Variants in NYAP2 observed in about 807,000 individuals in gnomAD.
The protein encoded by NYAP2 is neuronal tyrosine-phosphorylated phosphoinositide-3-kinase adaptor 2.
A neutral mutation model predicts 50.4 loss-of-function variants in NYAP2; 23 were observed. The observed-to-expected ratio is 0.46, with a 90% CI of 0.33 to 0.65. NYAP2 has a LOEUF of 0.65. NYAP2 is among the 30% of genes least tolerant of loss of function. The pLI, the probability that NYAP2 is intolerant of heterozygous loss-of-function variation, is 0.02. For missense variants in NYAP2, 885 were observed against 861.0 expected, an observed-to-expected ratio of 1.03 and a Z score of -0.35; for synonymous variants, 394 against 365.2, an observed-to-expected ratio of 1.08 and a Z score of -0.90.
chr2:225,555,569 C>A, intron 4 of NYAP2, among the ~76,000 whole-genome samples: 1 of 152,130 alleles, frequency 6.6e-6, no homozygotes, highest in East Asian at 1.9e-4. Flanking sequence ...AGATGTGTGA[C>A]CCATCCATCT....
At chr2:225,528,214 A>C (rs531724323) in intron 4 of NYAP2, among the ~76,000 whole-genome samples, 29 of 152,364 alleles carry the variant, frequency 1.9e-4, no homozygotes, top group African/African-American at 7.0e-4. Flanking sequence ...CCATGCAGCT[A>C]TCTGGTTGAA....
chr2:225,578,185 C>T (rs1460730099), intron 4 of NYAP2, among the ~76,000 whole-genome samples: 2 of 151,988 alleles, frequency 1.3e-5, no homozygotes, highest in Non-Finnish European at 2.9e-5. Context: ...CACCTGCCTC[C>T]GCCTCCCAAG....
chr2:225,651,627 C>T, exon 7 of NYAP2: 1 of 1,589,252 alleles, frequency 6.3e-7, no homozygotes. Flanking sequence ...CTGTAGACAA[C>T]TTTCGCATTT....
intron 4 of NYAP2, among the ~76,000 whole-genome samples, chr2:225,522,036 T>C (rs1218041638): frequency 1.3e-5 from 2 of 152,216 alleles, no homozygotes; most frequent in African/African-American, 4.8e-5. Flanking sequence ...TATCCATTTC[T>C]TCCAGATTTT....
At chr2:225,606,046 G>A (rs1330918398) in intron 5 of NYAP2, among the ~76,000 whole-genome samples, 5 of 152,122 alleles carry the variant, frequency 3.3e-5, no homozygotes, top group African/African-American at 1.2e-4. Context: ...GTCAAGAACA[G>A]GAACATCTAA....
chr2:225,505,894 A>T (rs188596968), intron 3 of NYAP2, among the ~76,000 whole-genome samples: 1 of 152,288 alleles, frequency 6.6e-6, no homozygotes, highest in Non-Finnish European at 1.5e-5. Context: ...GGGAAGAAGG[A>T]TGAAGCAGGT....
chr2:225,669,496 C>T, the NYAP2 span, among the ~76,000 whole-genome samples: 1 of 151,976 alleles, frequency 6.6e-6, no homozygotes, highest in Non-Finnish European at 1.5e-5. Flanking sequence ...ATAAAACTGG[C>T]AGCTTACATT....
chr2:225,620,013 G>A (rs147886882), intron 5 of NYAP2, among the ~76,000 whole-genome samples: 86 of 152,306 alleles, frequency 5.6e-4, no homozygotes, highest in African/African-American at 1.9e-3. Flanking sequence ...AGTTGGCACC[G>A]TGAGCTACAT....
the NYAP2 span, among the ~76,000 whole-genome samples, chr2:225,666,055 C>T: frequency 1.3e-5 from 2 of 152,154 alleles, no homozygotes; most frequent in East Asian, 3.9e-4. Context: ...GATGCCACAG[C>T]TCTGAAGACC....
rs182860591 is a variant in NYAP2, at chr2:225,638,216, G to A, written c.1828+11090G>A. On this transcript the variant is annotated intron_variant, in intron 6 of 6. Transcript: ENST00000636099. ...TGGTGTGGGAGGGGGGTGAGAGAGA[G>A]AGAGACAGAGAGAGAGAGACAGAGA... Among the ~76,000 whole-genome samples, 329 of 151,392 alleles carry A rather than the reference G, an allele frequency of 2.2e-3. 1 individual carries two copies. The highest frequency in any genetic ancestry group is 7.4e-3 in the African/African-American group (305 of 41,290).
chr2:225,638,999 AG>A (rs1275282734), intron 6 of NYAP2, among the ~76,000 whole-genome samples: 5 of 152,132 alleles, frequency 3.3e-5, no homozygotes, highest in African/African-American at 7.2e-5. Context: ...TGGGCACTTA[AG>A]TTATTACTTC....
chr2:225,622,980 C>A (rs934375562), intron 5 of NYAP2, among the ~76,000 whole-genome samples: 1 of 152,308 alleles, frequency 6.6e-6, no homozygotes, highest in Non-Finnish European at 1.5e-5. Flanking sequence ...TTTGGATCAG[C>A]TTTACCATCT....
chr2:225,536,975 T>A (rs1487753675), intron 4 of NYAP2, among the ~76,000 whole-genome samples: 1 of 152,060 alleles, frequency 6.6e-6, no homozygotes, highest in East Asian at 1.9e-4. Context: ...AGACGAGGTT[T>A]CACCATGTTA....
intron 5 of NYAP2, among the ~76,000 whole-genome samples, chr2:225,585,203 G>C (rs1692368685): frequency 6.6e-6 from 1 of 152,014 alleles, no homozygotes; most frequent in South Asian, 2.1e-4. Context: ...TAGAATAAGA[G>C]AAAATATTTT....
intron 4 of NYAP2, among the ~76,000 whole-genome samples, chr2:225,553,655 C>T (rs1241334755): frequency 6.6e-6 from 1 of 152,194 alleles, no homozygotes; most frequent in Admixed American, 6.5e-5. Flanking sequence ...AACATAACCA[C>T]TGTTTTAAAG....
At chr2:225,651,336 A>G in intron 6 of NYAP2, 96 bp from the exon 7 acceptor site, 1 of 1,504,148 alleles carries the variant, frequency 6.6e-7, no homozygotes, top group Non-Finnish European at 9.2e-7. Flanking sequence ...GTATATTCCA[A>G]GAATAAGTAG....
chr2:225,645,132 C>T (rs1214691679), intron 6 of NYAP2, among the ~76,000 whole-genome samples: 2 of 151,704 alleles, frequency 1.3e-5, no homozygotes, highest in Non-Finnish European at 2.9e-5. Flanking sequence ...GTGGCATGCA[C>T]CTATAGTTTC....
intron 6 of NYAP2, among the ~76,000 whole-genome samples, chr2:225,640,847 A>G (rs544426659): frequency 5.9e-5 from 9 of 152,370 alleles, no homozygotes; most frequent in African/African-American, 2.2e-4. Flanking sequence ...ACATGCATAC[A>G]GTATGATACC....
chr2:225,496,936 T>A (rs1437701203), intron 3 of NYAP2, among the ~76,000 whole-genome samples: 1 of 152,162 alleles, frequency 6.6e-6, no homozygotes, highest in Non-Finnish European at 1.5e-5. Flanking sequence ...TATTTTTAGA[T>A]GCATTGTGAG....
Sources: allele counts gnomAD v4.1 joint callset (sites outside exome capture counted in the v4.1 genomes callset), GRCh38; gene constraint gnomAD v4.1.1; transcripts MANE v1.5; gene names NCBI Gene and HGNC (gene_info 2026-07-23, HGNC 2026-07-21).